Variants in CTNND1 observed in about 807,000 individuals in gnomAD.
The protein encoded by CTNND1 is catenin delta 1.
CTNND1 carries 16 observed loss-of-function variants against 112.1 expected under a neutral mutation model. The ratio of observed to expected loss-of-function variants is 0.14; its 90% CI spans 0.10 to 0.22. CTNND1 has a LOEUF of 0.22. Among genes scored for constraint, CTNND1 ranks in the 10% least tolerant of loss-of-function variants. The probability of loss-of-function intolerance (pLI) is 1.00; values close to 1 mark genes in which losing one functional copy is unlikely to be tolerated. For synonymous variants in CTNND1, 420 were observed against 446.5 expected, an observed-to-expected ratio of 0.94 and a Z score of 0.75; for missense variants, 1,008 against 1,257.0, an observed-to-expected ratio of 0.80 and a Z score of 3.00.
chr11:57,802,700 C>G (rs1293439907), intron 7 of CTNND1, among the ~76,000 whole-genome samples: 1 of 152,154 alleles, frequency 6.6e-6, no homozygotes. Flanking sequence ...GTGGTTCTTG[C>G]TTTATTTAGA....
Position 57,795,652 on chromosome 11 carries a change from G to C in CTNND1, c.343G>C (p.Glu115Gln), listed in dbSNP as rs2061284827. Residue 115 changes from glutamate to glutamine, a missense_variant, in exon 5 of 21, where the codon GAG becomes CAG. Around this residue, in one of 5 missense-constraint regions of CTNND1, gnomAD observed 404 missense variants for 457.9 expected, o/e 0.88. Coordinates refer to ENST00000399050, the MANE Select transcript of CTNND1 (RefSeq NM_001085458.2). The stretch of plus-strand genomic sequence containing the variant: ...GCAGATTGTGGAGACCTACACGGAG[G>C]AGGATCCTGAGGGAGCCATGTCTGT... ...PGQIVETYTE[E>Q]DPEGAMSVVS... 2 of 1,609,292 alleles carry C rather than the reference G, an allele frequency of 1.2e-6. No individual in the cohort carries two copies. The highest frequency in any genetic ancestry group is 1.7e-6 in the Non-Finnish European group (2 of 1,177,940).
intron 18 of CTNND1, among the ~76,000 whole-genome samples, chr11:57,815,029 G>A (rs1000527280): frequency 2.0e-5 from 3 of 152,058 alleles, no homozygotes; most frequent in South Asian, 4.1e-4. Flanking sequence ...GTGCAGTGGC[G>A]TGATTCTCAT....
At chr11:57,804,902 C>T in intron 9 of CTNND1, 122 bp downstream of exon 9, 1 of 694,016 alleles carries the variant, frequency 1.4e-6, no homozygotes, top group South Asian at 1.9e-5. Context: ...ATACTGTCCC[C>T]TACCCCTTAT....
At chr11:57,777,527 C>T (rs928379852) in intron 1 of CTNND1, among the ~76,000 whole-genome samples, 2 of 152,204 alleles carry the variant, frequency 1.3e-5, no homozygotes, top group Non-Finnish European at 2.9e-5. Context: ...GCTTCGGCCT[C>T]CCAAAGTGCT....
Position 57,815,972 on chromosome 11 carries a change from G to A in CTNND1, c.2866G>A (p.Glu956Lys), listed in dbSNP as rs2063926573. ...GTTGGATGTGTTGGTTTTGGATGAT[G>A]AGGGGGGCCAAGTGTCTTACCCCTC... ...EELDVLVLDD[E>K]GGQVSYPSMQ... is the part of the protein sequence containing the mutation. Residue 956 changes from glutamate (E) to lysine (K), a missense_variant, in exon 20 of 21, where the codon GAG (glutamate) becomes AAG (lysine). By Grantham distance (56) the Glu-to-Lys change is moderately conservative (BLOSUM62 1). Around this residue, in one of 5 missense-constraint regions of CTNND1, gnomAD observed 106 missense variants for 116.2 expected, o/e 0.91. Transcript: ENST00000399050. 1.3e-6 allele frequency: 2 copies of A among 1,599,480 alleles called. No homozygotes were observed. The highest frequency in any genetic ancestry group is 1.1e-5 in the South Asian group (1 of 87,944).
chr11:57,792,159 T>C (rs1458521599), intron 3 of CTNND1, among the ~76,000 whole-genome samples: 2 of 152,190 alleles, frequency 1.3e-5, no homozygotes, highest in Non-Finnish European at 2.9e-5. Context: ...CCTTGTGTGC[T>C]CTTTTTGTTG....
Position 57,816,724 on chromosome 11 carries a change from A to C in CTNND1, c.*416A>C. ...TATGCAATGTCCAGCAGTCTGATAA[A>C]CTGACGATTCTTAATCAAGATTTTT... On this transcript the variant is annotated 3_prime_UTR_variant, in exon 21 of 21. Transcript: ENST00000399050. 5.8e-6 allele frequency: 1 copy of C among 173,492 alleles called. No homozygotes were observed. Among genetic ancestry groups the C allele is most frequent in the Non-Finnish European group, 1.2e-5 (1 of 82,194 alleles). 10.7% of individuals were successfully genotyped at this position (173,492 alleles called of 1,614,324 possible).
chr11:57,781,178 C>T (rs1234125384), intron 1 of CTNND1, among the ~76,000 whole-genome samples: 1 of 152,120 alleles, frequency 6.6e-6, no homozygotes, highest in East Asian at 1.9e-4. Flanking sequence ...ACCTGGTGAT[C>T]CACCCGCCTC....
At chr11:57,781,049 C>T (rs2059522459) in intron 1 of CTNND1, among the ~76,000 whole-genome samples, 1 of 152,170 alleles carries the variant, frequency 6.6e-6, no homozygotes, top group Non-Finnish European at 1.5e-5. Context: ...AGCGATTCTC[C>T]TGCCTCAGCC....
intron 17 of CTNND1, among the ~76,000 whole-genome samples, chr11:57,813,365 A>G (rs371782505): frequency 3.8e-4 from 58 of 152,334 alleles, no homozygotes; most frequent in East Asian, 1.2e-3. Flanking sequence ...TTTTCTAATG[A>G]AATAAACAGT....
rs779160682 is a variant in CTNND1, at chr11:57,810,226, AT to A, written c.2550+4del. The A allele has an allele frequency of 6.3e-7, 1 of 1,596,210 alleles. No individual in the cohort carries two copies. On this transcript the variant is annotated splice_donor_region_variant and intron_variant, in intron 16 of 20. Coordinates refer to ENST00000399050, the MANE Select transcript of CTNND1 (RefSeq NM_001085458.2). The stretch of plus-strand genomic sequence containing the variant: ...GATGGAAGAAATCAGACTTTCAGGT[AT>A]AGTAACTTTTGAGACCAAGACTTTT...
chr11:57,778,159 C>CT (rs1317810823), intron 1 of CTNND1, among the ~76,000 whole-genome samples: 1 of 151,930 alleles, frequency 6.6e-6, no homozygotes, highest in Non-Finnish European at 1.5e-5. Context: ...AAACGGGGAA[C>CT]TTTGCTCCCA....
chr11:57,809,296 G>T lies in CTNND1; in HGVS notation c.2265G>T (p.Leu755Phe). Residue 755 changes from leucine to phenylalanine, a missense_variant, in exon 15 of 21, where the codon TTG (leucine) becomes TTT (phenylalanine). Around this residue, in one of 5 missense-constraint regions of CTNND1, gnomAD observed 254 missense variants for 279.5 expected, o/e 0.91. Coordinates refer to ENST00000399050, the MANE Select transcript of CTNND1 (RefSeq NM_001085458.2). ...TAGGTAAACATGCTATTCCTAACTT[G>T]GTAAAGAATCTGCCAGGAGGACAGC... ...ELIGKHAIPNLVKNLPGGQQN... is the reference protein window; with the variant it reads ...ELIGKHAIPNFVKNLPGGQQN... 6.2e-7 allele frequency: 1 copy of T among 1,613,552 alleles called. No individual in the cohort carries two copies. The highest frequency in any genetic ancestry group is 1.3e-5 in the African/African-American group (1 of 75,016).
intron 1 of CTNND1, among the ~76,000 whole-genome samples, chr11:57,768,396 T>A (rs1464825258): frequency 7.2e-6 from 1 of 139,062 alleles, no homozygotes; most frequent in African/African-American, 2.7e-5. Context: ...CTTTTTTTTT[T>A]TTTTTTTTTT....
At position 57,809,503 on chromosome 11, in the gene CTNND1, T is replaced by G. The variant is rs11570211; in HGVS notation, c.2435+37T>G. The G allele has an allele frequency of 3.1e-4, 483 of 1,553,738 alleles. 3 individuals carry two copies. The East Asian group carries it at 9.7e-3, about 31-fold the overall frequency. On this transcript the variant is annotated intron_variant, in intron 15 of 20. Transcript: ENST00000399050. ...ACCTAAAATTACAGTCAAAAGAATT[T>G]GAGTGAGTGGAGAGTTGTTTTCCTC... is the stretch of plus-strand genomic sequence containing the variant.
In CTNND1 at chr11:57,761,918, G is replaced by A; in HGVS notation, c.-415G>A. On this transcript the variant is annotated 5_prime_UTR_variant, in exon 1 of 21. Transcript: ENST00000399050. The stretch of plus-strand genomic sequence containing the variant: ...AGGGAGAGAGAGAGAAAGAAGAGCA[G>A]GAAAGATCCCGAAAGGAGGAAGAGG... 1 of 985,388 alleles carries A rather than the reference G, an allele frequency of 1.0e-6. No individual in the cohort carries two copies. The highest frequency in any genetic ancestry group is 1.2e-6 in the Non-Finnish European group (1 of 829,950). 61.0% of individuals were successfully genotyped at this position (985,388 alleles called of 1,614,324 possible).
chr11:57,808,154 C>T lies in CTNND1; in HGVS notation c.1964-11C>T. ...ATTAGCACCCTCTGCTTCTATTTCT[C>T]TTTTGTGCAGGCTATGAGCTCTTAT... On this transcript the variant is annotated splice_polypyrimidine_tract_variant and intron_variant, in intron 12 of 20. Coordinates refer to ENST00000399050, the MANE Select transcript of CTNND1 (RefSeq NM_001085458.2). 1 of 1,604,002 alleles carries T rather than the reference C, an allele frequency of 6.2e-7. No homozygotes were observed. The highest frequency in any genetic ancestry group is 8.5e-7 in the Non-Finnish European group (1 of 1,172,000).
In CTNND1 at chr11:57,803,821, T is replaced by C. The variant is rs201938867; in HGVS notation, c.1604+17T>C. Reference sequence around the variant, plus strand: ...CTGCCTTAGGTAACAGTAGGGACTTTGAGAATATGAAGATGAATTTTTGAG... The same window carrying C: ...CTGCCTTAGGTAACAGTAGGGACTTCGAGAATATGAAGATGAATTTTTGAG... On this transcript the variant is annotated intron_variant, in intron 8 of 20. Coordinates refer to ENST00000399050, the MANE Select transcript of CTNND1 (RefSeq NM_001085458.2). 2.6e-4 allele frequency: 403 copies of C among 1,536,038 alleles called. 1 individual carries two copies. The highest frequency in any genetic ancestry group is 3.4e-4 in the Non-Finnish European group (388 of 1,141,778).
intron 3 of CTNND1, among the ~76,000 whole-genome samples, chr11:57,792,728 A>G (rs556431334): frequency 2.0e-5 from 3 of 151,868 alleles, no homozygotes; most frequent in Non-Finnish European, 4.4e-5. Context: ...ATGGGGTTTC[A>G]CCATGTTGGC....
Sources: allele counts gnomAD v4.1 joint callset (sites outside exome capture counted in the v4.1 genomes callset), GRCh38; gene constraint gnomAD v4.1.1; regional missense constraint gnomAD v4.1.1; transcripts MANE v1.5; gene names NCBI Gene and HGNC (gene_info 2026-07-23, HGNC 2026-07-21).